TGFBR1: variants seen among roughly 807,000 people sequenced by gnomAD.
TGFBR1 encodes the protein transforming growth factor beta receptor 1.
Under a neutral mutation model 55.1 loss-of-function variants are expected in TGFBR1, and 20 were observed. That is an observed-to-expected ratio of 0.36 (90% CI 0.26 to 0.53). The LOEUF (loss-of-function observed/expected upper bound fraction) is 0.53. Among genes scored for constraint, TGFBR1 ranks in the 20% least tolerant of loss-of-function variants. The probability of loss-of-function intolerance (pLI) is 0.91; values close to 1 mark genes in which losing one functional copy is unlikely to be tolerated. For missense variants in TGFBR1, 385 were observed against 617.6 expected, an observed-to-expected ratio of 0.62 and a Z score of 3.99; for synonymous variants, 220 against 214.8, an observed-to-expected ratio of 1.02 and a Z score of -0.21.
intron 4 of TGFBR1, 108 bp downstream of exon 4, chr9:99,138,197 C>T: frequency 1.0e-6 from 1 of 958,904 alleles, no homozygotes; most frequent in South Asian, 1.4e-5. Flanking sequence ...AGATGTCTCT[C>T]ATGTAGATTA....
At chr9:99,117,086 G>A (rs968141455) in intron 1 of TGFBR1, among the ~76,000 whole-genome samples, 2 of 152,026 alleles carry the variant, frequency 1.3e-5, no homozygotes, top group Non-Finnish European at 1.5e-5. Context: ...GTTTGACAAG[G>A]GAGATGAATG....
At position 99,128,856 on chromosome 9, in the gene TGFBR1, G is replaced by C; in HGVS notation, c.99G>C (p.Ala33=). Residue 33 remains alanine (A), a splice_region_variant and synonymous_variant, in exon 2 of 9, where the codon GCG becomes GCC. Coordinates refer to ENST00000374994, the MANE Select transcript of TGFBR1 (RefSeq NM_004612.4). Reference sequence around the variant, plus strand: ...CTAAGAATCTTTCTCTTTTTCCAGCGTTACAGTGTTTCTGCCACCTCTGTA... The same window carrying C: ...CTAAGAATCTTTCTCTTTTTCCAGCCTTACAGTGTTTCTGCCACCTCTGTA... ...AAAALLPGAT[A]LQCFCHLCTK... is the part of the protein sequence containing the mutation. The C allele has an allele frequency of 1.2e-6, 2 of 1,613,548 alleles. No homozygotes were observed. The highest frequency in any genetic ancestry group is 1.7e-6 in the Non-Finnish European group (2 of 1,179,840).
At chr9:99,128,523 G>C in intron 1 of TGFBR1, 1 of 332,054 alleles carries the variant, frequency 3.0e-6, no homozygotes, top group Non-Finnish European at 5.8e-6. Context: ...AAATTTAAAT[G>C]TACTTTGTTT....
chr9:99,119,078 T>G (rs1826830366), intron 1 of TGFBR1, among the ~76,000 whole-genome samples: 1 of 152,216 alleles, frequency 6.6e-6, no homozygotes, highest in African/African-American at 2.4e-5. Flanking sequence ...ACAGGTTACA[T>G]TCACTGTTGT....
intron 3 of TGFBR1, among the ~76,000 whole-genome samples, chr9:99,134,799 CCATTATATATATAT>C (rs1827368533): frequency 2.9e-5 from 2 of 69,746 alleles, no homozygotes; most frequent in African/African-American, 1.1e-4. Context: ...AATTCTGTTT[CCATTATATATATAT>C]ATATATATAT....
At chr9:99,124,331 A>G (rs1447718497) in intron 1 of TGFBR1, among the ~76,000 whole-genome samples, 1 of 152,132 alleles carries the variant, frequency 6.6e-6, no homozygotes, top group African/African-American at 2.4e-5. Context: ...CATAGCCCAC[A>G]CTGTACCTGG....
intron 4 of TGFBR1, among the ~76,000 whole-genome samples, chr9:99,142,303 A>AAG (rs1166217862): frequency 6.6e-6 from 1 of 152,240 alleles, no homozygotes; most frequent in Non-Finnish European, 1.5e-5. Context: ...CTTAAATGGG[A>AAG]TTAATTATAC....
At chr9:99,122,878 C>G (rs1393558443) in intron 1 of TGFBR1, among the ~76,000 whole-genome samples, 1 of 152,100 alleles carries the variant, frequency 6.6e-6, no homozygotes, top group Non-Finnish European at 1.5e-5. Flanking sequence ...ATCTGAAATT[C>G]AAAACCTTTT....
chr9:99,105,282 C>G lies in TGFBR1; in HGVS notation c.77C>G (p.Ala26Gly). Residue 26 changes from alanine to glycine, a missense_variant, in exon 1 of 9, where the codon GCG becomes GGG. Coordinates refer to ENST00000374994, the MANE Select transcript of TGFBR1 (RefSeq NM_004612.4). Reference sequence around the variant, plus strand: ...GCGGCGGCGGCGGCGGCGGCGGCGGCGCTGCTCCCGGGGGCGACGGGTGAG... The same window carrying G: ...GCGGCGGCGGCGGCGGCGGCGGCGGGGCTGCTCCCGGGGGCGACGGGTGAG... Reference protein sequence around the residue: ...VLAAAAAAAAALLPGATALQC... With the variant: ...VLAAAAAAAAGLLPGATALQC... 9.9e-7 allele frequency: 1 copy of G among 1,007,384 alleles called. No homozygotes were observed. The highest frequency in any genetic ancestry group is 1.8e-5 in the African/African-American group (1 of 56,804). The allele number at this position is 1,007,384 out of a possible 1,614,324, so 62.4% of individuals were successfully genotyped here.
intron 8 of TGFBR1, among the ~76,000 whole-genome samples, chr9:99,148,390 A>G (rs1000784273): frequency 2.0e-5 from 3 of 152,208 alleles, no homozygotes; most frequent in Non-Finnish European, 4.4e-5. Context: ...AAATTTAAAG[A>G]TTCGTAAGAT....
rs200966335 is a variant in TGFBR1, at chr9:99,129,110, A to T, written c.343+10A>T. ...GAACTTCCAACTACTGGTAAGTTGTATAAAATTTTTTTCCTAGATACTACA... is the reference window on the plus strand; with the variant it reads ...GAACTTCCAACTACTGGTAAGTTGTTTAAAATTTTTTTCCTAGATACTACA... On this transcript the variant is annotated intron_variant, in intron 2 of 8. Coordinates refer to ENST00000374994, the MANE Select transcript of TGFBR1 (RefSeq NM_004612.4). The T allele has an allele frequency of 3.0e-5, 49 of 1,613,662 alleles. 1 individual carries two copies. In the South Asian group the frequency reaches 4.9e-4, roughly 16 times the overall value.
intron 1 of TGFBR1, among the ~76,000 whole-genome samples, chr9:99,113,556 A>G (rs1222432694): frequency 6.6e-6 from 1 of 152,220 alleles, no homozygotes; most frequent in Non-Finnish European, 1.5e-5. Flanking sequence ...GGCTGTAATT[A>G]GAGTCTAATC....
chr9:99,117,857 T>TAA (rs1428656688), intron 1 of TGFBR1, among the ~76,000 whole-genome samples: 1 of 152,164 alleles, frequency 6.6e-6, no homozygotes, highest in East Asian at 1.9e-4. Flanking sequence ...TCCCACTGAA[T>TAA]AAAAAAACCC....
At chr9:99,119,982 A>C (rs1826851444) in intron 1 of TGFBR1, among the ~76,000 whole-genome samples, 1 of 152,240 alleles carries the variant, frequency 6.6e-6, no homozygotes, top group Non-Finnish European at 1.5e-5. Flanking sequence ...GGAGCTCCAA[A>C]GAAATACTTG....
intron 1 of TGFBR1, among the ~76,000 whole-genome samples, chr9:99,125,140 G>T (rs1827003894): frequency 6.6e-6 from 1 of 152,176 alleles, no homozygotes; most frequent in Non-Finnish European, 1.5e-5. Context: ...TTTAACTTCA[G>T]TGATAATAAA....
chr9:99,139,831 T>G (rs1049046754), intron 4 of TGFBR1, among the ~76,000 whole-genome samples: 2 of 152,222 alleles, frequency 1.3e-5, no homozygotes, highest in African/African-American at 4.8e-5. Flanking sequence ...CCTTCATCTT[T>G]TTTCTCCTCT....
chr9:99,147,503 G>A, intron 7 of TGFBR1, 151 bp from the exon 8 acceptor site: 3 of 718,706 alleles, frequency 4.2e-6, no homozygotes, highest in Non-Finnish European at 4.6e-6. Context: ...TGTGGATACA[G>A]ATGTGGATGA....
chr9:99,140,286 C>G (rs1226809931), intron 4 of TGFBR1, among the ~76,000 whole-genome samples: 1 of 152,130 alleles, frequency 6.6e-6, no homozygotes, highest in Non-Finnish European at 1.5e-5. Flanking sequence ...AACCCCATCT[C>G]TACTAAAAAT....
intron 3 of TGFBR1, among the ~76,000 whole-genome samples, chr9:99,135,160 C>T (rs909633442): frequency 3.3e-5 from 5 of 152,068 alleles, no homozygotes; most frequent in Non-Finnish European, 7.4e-5. Context: ...AAAAATCTAA[C>T]ATACAGTATC....
Sources: gnomAD v4.1 joint callset for allele counts (sites outside exome capture counted in the v4.1 genomes callset) on GRCh38, gnomAD v4.1.1 for gene constraint, MANE v1.5 for transcripts, NCBI Gene and HGNC (gene_info 2026-07-23, HGNC 2026-07-21) for gene names.